MAP2: variants seen among roughly 807,000 people sequenced by gnomAD.
MAP2 encodes microtubule associated protein 2.
A neutral mutation model predicts 137.6 loss-of-function variants in MAP2; 14 were observed. The ratio of observed to expected loss-of-function variants is 0.10; its 90% confidence interval spans 0.07 to 0.16. MAP2 has a LOEUF of 0.16. Among genes scored for constraint, MAP2 ranks in the 10% least tolerant of loss-of-function variants. The pLI is 1.00. For synonymous variants in MAP2, 786 were observed against 782.3 expected, an observed-to-expected ratio of 1.00 and a Z score of -0.08; for missense variants, 2,088 against 2,191.5, an observed-to-expected ratio of 0.95 and a Z score of 0.94.
chr2:209,571,857 A>C (rs547049462), intron 2 of MAP2, among the ~76,000 whole-genome samples: 15 of 152,124 alleles, frequency 9.9e-5, no homozygotes, highest in African/African-American at 3.6e-4. Flanking sequence ...GCTGACAATA[A>C]GAATAACCTG....
intron 1 of MAP2, among the ~76,000 whole-genome samples, chr2:209,437,434 T>TA (rs1320760233): frequency 2.0e-5 from 3 of 151,664 alleles, no homozygotes; most frequent in African/African-American, 7.2e-5. Context: ...ATCTGGGACT[T>TA]ATAGTATAAC....
chr2:209,612,800 T>A (rs1181447493), intron 3 of MAP2, among the ~76,000 whole-genome samples: 1 of 152,196 alleles, frequency 6.6e-6, no homozygotes, highest in Non-Finnish European at 1.5e-5. Context: ...AAACATAGTA[T>A]TAGAACAAGT....
chr2:209,670,715 A>G (rs1173937551), intron 5 of MAP2, among the ~76,000 whole-genome samples: 1 of 151,884 alleles, frequency 6.6e-6, no homozygotes, highest in Non-Finnish European at 1.5e-5. Flanking sequence ...ATGATTATAC[A>G]CTGTACTCAC....
chr2:209,628,132 C>T (rs1559440320), intron 4 of MAP2, among the ~76,000 whole-genome samples: 1 of 151,866 alleles, frequency 6.6e-6, no homozygotes, highest in Admixed American at 6.6e-5. Context: ...TTTGGGAGGC[C>T]GAGGCAGACA....
intron 13 of MAP2, among the ~76,000 whole-genome samples, chr2:209,712,013 A>G (rs2065666184): frequency 1.3e-5 from 2 of 152,240 alleles, no homozygotes; most frequent in Admixed American, 1.3e-4. Context: ...AACTAACAAA[A>G]GTAATTAAAA....
intron 2 of MAP2, among the ~76,000 whole-genome samples, chr2:209,518,419 T>C (rs1368432503): frequency 6.6e-6 from 1 of 151,922 alleles, no homozygotes. Flanking sequence ...ATAGCCACAA[T>C]AGAGAGTTAG....
At chr2:209,699,464 G>A (rs3768810) in intron 10 of MAP2, among the ~76,000 whole-genome samples, 18,088 of 152,064 alleles carry the variant, frequency 0.12, 1,387 homozygotes, top group East Asian at 0.22. Flanking sequence ...CAAACCACAA[G>A]GGATTGTTTT....
intron 1 of MAP2, among the ~76,000 whole-genome samples, chr2:209,467,020 C>G (rs553382468): frequency 6.6e-6 from 1 of 152,308 alleles, no homozygotes; most frequent in Non-Finnish European, 1.5e-5. Context: ...ATCACCTCTT[C>G]CACACATTCT....
chr2:209,472,193 C>T (rs1052117285), intron 1 of MAP2, among the ~76,000 whole-genome samples: 10 of 152,148 alleles, frequency 6.6e-5, no homozygotes, highest in African/African-American at 1.4e-4. Context: ...TCTGTCATCT[C>T]ACATAGAAGT....
intron 3 of MAP2, among the ~76,000 whole-genome samples, chr2:209,611,605 C>T (rs2153488373): frequency 6.6e-6 from 1 of 152,016 alleles, no homozygotes; most frequent in East Asian, 1.9e-4. Flanking sequence ...TATAAGTTAC[C>T]TACTGCTAGT....
At chr2:209,426,580 C>T (rs1056324735) in intron 1 of MAP2, among the ~76,000 whole-genome samples, 4 of 152,182 alleles carry the variant, frequency 2.6e-5, no homozygotes, top group African/African-American at 9.7e-5. Context: ...CTGGCACAGC[C>T]ATTACCTCAT....
intron 2 of MAP2, among the ~76,000 whole-genome samples, chr2:209,520,954 G>A (rs1265409937): frequency 6.6e-6 from 1 of 151,946 alleles, no homozygotes; most frequent in Non-Finnish European, 1.5e-5. Context: ...CCATTGGTTG[G>A]TCTCCCCATG....
At chr2:209,728,115 C>A (rs931259509) in intron 14 of MAP2, among the ~76,000 whole-genome samples, 4 of 152,098 alleles carry the variant, frequency 2.6e-5, no homozygotes, top group African/African-American at 7.2e-5. Flanking sequence ...TCCTGGGCAA[C>A]AGAGCAGACC....
At chr2:209,629,077 A>C (rs995824859) in intron 4 of MAP2, among the ~76,000 whole-genome samples, 20 of 152,366 alleles carry the variant, frequency 1.3e-4, no homozygotes, top group Admixed American at 1.1e-3. Flanking sequence ...TTATAATTGC[A>C]AGCCATAATG....
At chr2:209,688,944 C>T (rs1181828961) in intron 7 of MAP2, among the ~76,000 whole-genome samples, 1 of 151,914 alleles carries the variant, frequency 6.6e-6, no homozygotes, top group Non-Finnish European at 1.5e-5. Flanking sequence ...AAATATAACC[C>T]CTATTAAGTG....
chr2:209,452,211 G>T (rs1700476879), intron 1 of MAP2, among the ~76,000 whole-genome samples: 1 of 152,266 alleles, frequency 6.6e-6, no homozygotes. Flanking sequence ...TTTAGAGATG[G>T]ATCTGTGATC....
intron 13 of MAP2, among the ~76,000 whole-genome samples, chr2:209,716,323 A>G (rs77467092): frequency 0.017 from 2,603 of 152,330 alleles, 68 homozygotes; most frequent in African/African-American, 0.057. Context: ...ATTATGCCAT[A>G]TTCATGGAGA....
chr2:209,477,431 A>G (rs1252332508), intron 1 of MAP2, among the ~76,000 whole-genome samples: 1 of 152,132 alleles, frequency 6.6e-6, no homozygotes, highest in African/African-American at 2.4e-5. Flanking sequence ...TAAAGAATAC[A>G]TCATGATTTT....
rs1229602240 is a variant in MAP2 at position 209,693,998 on chromosome 2, T to C, written c.1828T>C (p.Ser610Pro). 2 of 1,613,984 alleles carry C rather than the reference T, an allele frequency of 1.2e-6. No homozygotes were observed. The highest frequency in any genetic ancestry group is 1.7e-6 in the Non-Finnish European group (2 of 1,179,994). Reference protein sequence around the residue: ...ESVHESIDTMSPMHKNGDKEF... With the variant: ...ESVHESIDTMPPMHKNGDKEF... ...TGTCCATGAGTCTATTGATACCATG[T>C]CTCCCATGCATAAAAATGGTGACAA... The change falls in exon 8 of 16, where the codon TCT becomes CCT. Residue 610 changes from serine to proline, a missense_variant. Coordinates refer to ENST00000682079, the MANE Select transcript of MAP2 (RefSeq NM_001375505.1).
Sources: gnomAD v4.1 joint callset for allele counts (sites outside exome capture counted in the v4.1 genomes callset) on GRCh38, gnomAD v4.1.1 for gene constraint, MANE v1.5 for transcripts, NCBI Gene and HGNC (gene_info 2026-07-23, HGNC 2026-07-21) for gene names.